CCDC13: variants seen among roughly 807,000 people sequenced by gnomAD.
CCDC13 encodes the protein coiled-coil domain-containing protein 13.
A neutral mutation model predicts 87.3 loss-of-function variants in CCDC13; 70 were observed. The ratio of observed to expected loss-of-function variants is 0.80; its 90% CI spans 0.66 to 0.98. The LOEUF (loss-of-function observed/expected upper bound fraction) is 0.98, where lower values mean the gene tolerates loss of function less well. Among genes scored for constraint, CCDC13 ranks in the 50% least tolerant of loss-of-function variants. The pLI, the probability that CCDC13 is intolerant of heterozygous loss-of-function variation, is 0.00. For synonymous variants in CCDC13, 317 were observed against 360.3 expected (o/e 0.88, Z 1.36); for missense variants, 842 against 892.0 (o/e 0.94, Z 0.71).
chr3:42,717,488 G>A (rs1698460568), intron 13 of CCDC13, among the ~76,000 whole-genome samples: 1 of 151,786 alleles, frequency 6.6e-6, no homozygotes, highest in African/African-American at 2.4e-5. Context: ...CGTATGAGGA[G>A]CTATTGCTTA....
At chr3:42,746,656 T>G (rs1276736357) in intron 6 of CCDC13, 1 of 167,706 alleles carries the variant, frequency 6.0e-6, no homozygotes, top group Admixed American at 5.5e-5. Flanking sequence ...GGCACTTGTT[T>G]CCACAATAGA....
At position 42,754,556 on chromosome 3, in the gene CCDC13, C is replaced by A. The variant is rs184823131; in HGVS notation, c.371-1839G>T. On this transcript the variant is annotated intron_variant, in intron 3 of 15. Transcript: ENST00000310232. ...CTGGTTCTGGTTAAGATGGAGTAAG[C>A]GCACTCTACCCTGTCTCTTTTGCTG... is the stretch of plus-strand genomic sequence containing the variant. Among the ~76,000 whole-genome samples the A allele has an allele frequency of 5.3e-5, 8 of 152,152 alleles. No individual in the cohort carries two copies. In the East Asian group the frequency reaches 5.8e-4, roughly 11 times the overall value.
intron 14 of CCDC13, among the ~76,000 whole-genome samples, chr3:42,711,933 C>T (rs1333996143): frequency 6.6e-6 from 1 of 152,168 alleles, no homozygotes; most frequent in Non-Finnish European, 1.5e-5. Context: ...TGCTGCCCTA[C>T]AGGAGGTAAG....
intron 13 of CCDC13, among the ~76,000 whole-genome samples, chr3:42,724,151 G>A (rs1417020149): frequency 3.9e-5 from 6 of 152,212 alleles, no homozygotes; most frequent in Non-Finnish European, 7.4e-5. Flanking sequence ...TAAACCAACA[G>A]CAAAACATCA....
intron 10 of CCDC13, among the ~76,000 whole-genome samples, chr3:42,735,102 G>A (rs1360678636): frequency 2.0e-5 from 3 of 152,218 alleles, no homozygotes; most frequent in Non-Finnish European, 4.4e-5. Context: ...ACACAGAACA[G>A]GGGTCCTGGG....
At chr3:42,749,758 T>C in intron 5 of CCDC13, 1 of 398,208 alleles carries the variant, frequency 2.5e-6, no homozygotes, top group South Asian at 1.8e-5. Flanking sequence ...GAGGCTGTTT[T>C]CTTTGAGAAA....
chr3:42,709,827 G>A (rs754343532), intron 14 of CCDC13, 29 bp from the exon 15 acceptor site: 1 of 1,548,918 alleles, frequency 6.5e-7, no homozygotes, highest in Middle Eastern at 1.7e-4. Context: ...CACTTTCTGT[G>A]AGGAGGCCAC....
intron 14 of CCDC13, among the ~76,000 whole-genome samples, chr3:42,710,192 C>T (rs962664207): frequency 6.7e-6 from 1 of 150,226 alleles, no homozygotes; most frequent in African/African-American, 2.5e-5. Context: ...TCACAGCAAT[C>T]TGCGCCTCCA....
At chr3:42,769,666 T>A (rs548980567) in intron 1 of CCDC13, among the ~76,000 whole-genome samples, 43 of 152,384 alleles carry the variant, frequency 2.8e-4, no homozygotes, top group African/African-American at 1.0e-3. Flanking sequence ...CTCTCTGGGC[T>A]GGCCAAGGCC....
intron 6 of CCDC13, 95 bp from the exon 7 acceptor site, chr3:42,746,122 T>C: frequency 1.1e-6 from 1 of 913,868 alleles, no homozygotes; most frequent in African/African-American, 1.6e-5. Flanking sequence ...AGAAGCAGTC[T>C]TCACCTACAC....
intron 1 of CCDC13, among the ~76,000 whole-genome samples, chr3:42,771,722 T>A (rs1371267181): frequency 6.6e-6 from 1 of 152,128 alleles, no homozygotes. Flanking sequence ...GCCACCGCAC[T>A]CCAGCCTGGG....
intron 5 of CCDC13, 44 bp from the exon 6 acceptor site, chr3:42,747,417 C>A: frequency 1.3e-5 from 17 of 1,304,212 alleles, no homozygotes; most frequent in Non-Finnish European, 1.8e-5. Context: ...TTATTGCCTA[C>A]ATGGGAATAG....
At chr3:42,749,550 C>A (rs1699517529) in intron 5 of CCDC13, among the ~76,000 whole-genome samples, 1 of 152,210 alleles carries the variant, frequency 6.6e-6, no homozygotes, top group Admixed American at 6.5e-5. Flanking sequence ...GCAGGCCTAG[C>A]CTGGCTTGAG....
chr3:42,737,738 T>C (rs1472671055), intron 9 of CCDC13, among the ~76,000 whole-genome samples: 1 of 152,254 alleles, frequency 6.6e-6, no homozygotes, highest in East Asian at 1.9e-4. Context: ...GTTCATATCC[T>C]TCGCCCACTT....
At chr3:42,732,780 G>C in intron 12 of CCDC13, 107 bp downstream of exon 12, 1 of 935,386 alleles carries the variant, frequency 1.1e-6, no homozygotes, top group Non-Finnish European at 1.6e-6. Flanking sequence ...AGAGTCCCTG[G>C]ACTTTGCCTG....
intron 1 of CCDC13, among the ~76,000 whole-genome samples, chr3:42,772,863 C>G (rs1435684928): frequency 1.3e-5 from 2 of 152,244 alleles, no homozygotes; most frequent in Non-Finnish European, 2.9e-5. Context: ...CAGCGCTTGT[C>G]AGGCGGACCT....
chr3:42,753,560 A>C (rs1699636598), intron 3 of CCDC13, among the ~76,000 whole-genome samples: 1 of 152,246 alleles, frequency 6.6e-6, no homozygotes, highest in Non-Finnish European at 1.5e-5. Context: ...ACATCAAAGA[A>C]ATAAATATGT....
In CCDC13 at chr3:42,707,556, C is replaced by A. The variant is rs1698205344; in HGVS notation, c.*1424G>T. ...CGCAGTGGCTTTTCCAAGGAAGGAG[C>A]TGACAAGATGCTCGCAGGAGCCCCA... is the stretch of plus-strand genomic sequence containing the variant. On this transcript the variant is annotated 3_prime_UTR_variant, in exon 16 of 16. Coordinates refer to ENST00000310232, the MANE Select transcript of CCDC13 (RefSeq NM_144719.4). Among the ~76,000 whole-genome samples the A allele has an allele frequency of 6.6e-6, 1 of 152,204 alleles. No individual in the cohort carries two copies. The highest frequency in any genetic ancestry group is 2.4e-5 in the African/African-American group (1 of 41,464).
intron 5 of CCDC13, 22 bp downstream of exon 5, chr3:42,751,914 C>T (rs1417771729): frequency 6.2e-7 from 1 of 1,607,744 alleles, no homozygotes; most frequent in Admixed American, 1.7e-5. Flanking sequence ...ACAGACTTCC[C>T]AGCACAGAAG....
Sources: allele counts gnomAD v4.1 joint callset (sites outside exome capture counted in the v4.1 genomes callset), GRCh38; gene constraint gnomAD v4.1.1; transcripts MANE v1.5; gene names NCBI Gene and HGNC (gene_info 2026-07-23, HGNC 2026-07-21).